The following ZDHHC15 variants were observed in gnomAD, a reference collection of about 807,000 sequenced individuals.
ZDHHC15 encodes the protein palmitoyltransferase ZDHHC15.
In ZDHHC15, 19 loss-of-function variants were observed where a neutral mutation model predicts 31.7. The observed-to-expected ratio is 0.60, with a 90% CI of 0.42 to 0.88. ZDHHC15 has a LOEUF of 0.88. Among genes scored for constraint, ZDHHC15 ranks in the 40% least tolerant of loss-of-function variants. ZDHHC15 has a pLI of 0.00. For missense variants in ZDHHC15, 209 were observed against 251.2 expected (o/e 0.83, Z 1.14); for synonymous variants, 103 against 90.0 (o/e 1.14, Z -0.82).
intron 3 of ZDHHC15, among the ~76,000 whole-genome samples, chrX:75,453,936 T>A (rs1214265637): frequency 9.0e-6 from 1 of 111,641 alleles, no homozygotes; most frequent in Non-Finnish European, 1.9e-5. Context: ...AGTATCATAC[T>A]GAATGGGCAA....
intron 10 of ZDHHC15, among the ~76,000 whole-genome samples, chrX:75,396,375 C>A (rs1246994057): frequency 9.0e-6 from 1 of 111,526 alleles, no homozygotes. Flanking sequence ...ATGCAAATGG[C>A]AAACGGGTAC....
At chrX:75,475,119 T>C in intron 3 of ZDHHC15, among the ~76,000 whole-genome samples, 1 of 112,450 alleles carries the variant, frequency 8.9e-6, no homozygotes, top group Admixed American at 9.4e-5. Context: ...GCTGTAGGTT[T>C]TAAATATTCT....
intron 3 of ZDHHC15, among the ~76,000 whole-genome samples, chrX:75,472,100 C>T (rs1462164640): frequency 9.0e-6 from 1 of 111,661 alleles, no homozygotes; most frequent in Non-Finnish European, 1.9e-5. Context: ...TGATCATGCT[C>T]GAGCAGGTCC....
In ZDHHC15 at chrX:75,440,800, G is replaced by A. The variant is rs2083930086; in HGVS notation, c.380-9280C>T. 2.7e-5 allele frequency among the ~76,000 whole-genome samples: 3 copies of A among 112,067 alleles called. 1 individual carries two copies. The highest frequency in any genetic ancestry group is 9.7e-5 in the African/African-American group (3 of 30,802). ...GGGCATGTAGAGAAAGGCCATCAGG[G>A]CAGGTTAGGCATGTCTGAGCTCAGA... On this transcript the variant is annotated intron_variant, in intron 4 of 11. Coordinates refer to ENST00000373367, the MANE Select transcript of ZDHHC15 (RefSeq NM_144969.3).
chrX:75,430,572 A>C (rs1244893999), intron 5 of ZDHHC15, among the ~76,000 whole-genome samples: 1 of 112,026 alleles, frequency 8.9e-6, no homozygotes, highest in East Asian at 2.8e-4. Flanking sequence ...AAGCAAAATA[A>C]CTTGAAATAA....
At chrX:75,412,450 A>G (rs1432293252) in intron 10 of ZDHHC15, among the ~76,000 whole-genome samples, 5 of 108,790 alleles carry the variant, frequency 4.6e-5, no homozygotes, top group Non-Finnish European at 7.6e-5. Flanking sequence ...TTTTTTTTTG[A>G]CACGGAAGTA....
At chrX:75,497,719 CAATAAT>C (rs1291775094) in intron 2 of ZDHHC15, among the ~76,000 whole-genome samples, 1 of 111,207 alleles carries the variant, frequency 9.0e-6, no homozygotes, top group African/African-American at 3.3e-5. Context: ...GAATTAAAAA[CAATAAT>C]AATACGATTA....
At chrX:75,417,312 G>T (rs2083559965) in intron 9 of ZDHHC15, 122 bp from the exon 10 acceptor site, 2 of 420,969 alleles carry the variant, frequency 4.8e-6, no homozygotes, top group Non-Finnish European at 4.1e-6. Context: ...CTAAAGCCAT[G>T]GTGGAATGGG....
chrX:75,494,635 T>TAGAA (rs1473719418), intron 2 of ZDHHC15, among the ~76,000 whole-genome samples: 7 of 112,069 alleles, frequency 6.2e-5, no homozygotes, highest in Admixed American at 1.9e-4. Flanking sequence ...GCCGCTTATC[T>TAGAA]ACAACCATCT....
intron 10 of ZDHHC15, among the ~76,000 whole-genome samples, chrX:75,396,714 T>A (rs2083302502): frequency 9.0e-6 from 1 of 111,535 alleles, no homozygotes; most frequent in Non-Finnish European, 1.9e-5. Flanking sequence ...GCACAACTCA[T>A]AATAGCCAAG....
At chrX:75,379,334 A>G in intron 10 of ZDHHC15, 136 bp from the exon 11 acceptor site, 1 of 567,735 alleles carries the variant, frequency 1.8e-6, no homozygotes, top group Non-Finnish European at 2.9e-6. Flanking sequence ...ACTGATGTGT[A>G]ACACAGAAGC....
At chrX:75,460,219 G>C (rs1245076739) in intron 3 of ZDHHC15, among the ~76,000 whole-genome samples, 1 of 111,598 alleles carries the variant, frequency 9.0e-6, no homozygotes, top group Admixed American at 9.5e-5. Context: ...CTCCTCACTG[G>C]GCAGGACCTC....
intron 10 of ZDHHC15, among the ~76,000 whole-genome samples, chrX:75,386,500 G>C (rs1005643244): frequency 9.0e-6 from 1 of 111,427 alleles, no homozygotes; most frequent in African/African-American, 3.3e-5. Flanking sequence ...TTTTGAGACA[G>C]GGTCTCACGC....
chrX:75,480,831 A>G (rs1247424562), intron 2 of ZDHHC15, among the ~76,000 whole-genome samples: 1 of 111,930 alleles, frequency 8.9e-6, no homozygotes, highest in African/African-American at 3.2e-5. Context: ...CACATGCACA[A>G]AAAATATCTA....
At chrX:75,453,479 C>G (rs1469311092) in intron 3 of ZDHHC15, among the ~76,000 whole-genome samples, 1 of 110,779 alleles carries the variant, frequency 9.0e-6, no homozygotes, top group Non-Finnish European at 1.9e-5. Flanking sequence ...GAGCTGGTAC[C>G]AATCCTGAAA....
At chrX:75,492,299 C>A (rs867088731) in intron 2 of ZDHHC15, among the ~76,000 whole-genome samples, 13 of 111,346 alleles carry the variant, frequency 1.2e-4, no homozygotes, top group Middle Eastern at 4.2e-3. Context: ...GAGTGACCTA[C>A]AAAGAGACTT....
chrX:75,392,873 C>A (rs1300342563), intron 10 of ZDHHC15, among the ~76,000 whole-genome samples: 2 of 110,739 alleles, frequency 1.8e-5, no homozygotes, highest in Non-Finnish European at 3.8e-5. Flanking sequence ...CTGACGACTA[C>A]CTTCTTCTAC....
In ZDHHC15 at chrX:75,455,824, T is replaced by G. The variant is rs143761873; in HGVS notation, c.259-4902A>C. Among the ~76,000 whole-genome samples, 489 of 112,177 alleles carry G rather than the reference T, an allele frequency of 4.4e-3. 2 individuals are homozygous for G. Among genetic ancestry groups the G allele is most frequent in the African/African-American group, 0.015 (470 of 30,922 alleles). ...AAAACCACAATGAGATACCATCTCA[T>G]GCCAGTTAGAATGGCGATCATAGAA... On this transcript the variant is annotated intron_variant, in intron 3 of 11. Coordinates refer to ENST00000373367, the MANE Select transcript of ZDHHC15 (RefSeq NM_144969.3).
chrX:75,454,601 T>C (rs1216734310), intron 3 of ZDHHC15, among the ~76,000 whole-genome samples: 4 of 111,181 alleles, frequency 3.6e-5, no homozygotes, highest in African/African-American at 1.3e-4. Context: ...ACCTGTTGTT[T>C]CCTGACTTTT....
Sources: allele counts gnomAD v4.1 joint callset (sites outside exome capture counted in the v4.1 genomes callset), GRCh38; gene constraint gnomAD v4.1.1; transcripts MANE v1.5; gene names NCBI Gene and HGNC (gene_info 2026-07-23, HGNC 2026-07-21).